The following SAAL1 variants were observed in gnomAD, a reference collection of about 807,000 sequenced individuals.
SAAL1 encodes serum amyloid A like 1, also known as protein SAAL1.
In SAAL1, 42 loss-of-function variants were observed where a neutral mutation model predicts 59.8. The observed-to-expected ratio is 0.70, with a 90% CI of 0.55 to 0.91. The LOEUF is 0.91. Among genes scored for constraint, SAAL1 ranks in the 40% least tolerant of loss-of-function variants. SAAL1 has a pLI of 0.00. For missense variants in SAAL1, 542 were observed against 561.1 expected, an observed-to-expected ratio of 0.97 and a Z score of 0.34; for synonymous variants, 191 against 194.3, an observed-to-expected ratio of 0.98 and a Z score of 0.14.
At chr11:18,080,613 A>G in intron 11 of SAAL1, 122 bp from the exon 12 acceptor site, 1 of 596,446 alleles carries the variant, frequency 1.7e-6, no homozygotes. Flanking sequence ...GCAGATCTCC[A>G]GATGATAGTA....
rs781563248 is a variant in SAAL1, at chr11:18,096,770, C to T, written c.333+1G>A. 2 of 1,441,692 alleles carry T rather than the reference C, an allele frequency of 1.4e-6. No individual in the cohort carries two copies. 89.3% of individuals were successfully genotyped at this position (1,441,692 alleles called of 1,614,324 possible). A position where few individuals can be genotyped will look rare whatever the true frequency, so the allele number is the denominator to read the frequency against. ...AAGGCTTTAGAAATGTACATACTTA[C>T]TCTTAATCGAGGACACTTGGACTTG... On this transcript the variant is annotated splice_donor_variant, in intron 3 of 11. Transcript: ENST00000524803. LOFTEE classifies it high-confidence loss of function.
intron 1 of SAAL1, 99 bp downstream of exon 1, chr11:18,105,808 T>C: frequency 7.2e-7 from 1 of 1,397,894 alleles, no homozygotes; most frequent in Non-Finnish European, 9.4e-7. Context: ...GGGGTCTTTG[T>C]GGGGATGGCG....
At chr11:18,087,651 G>C (rs1026777606) in intron 7 of SAAL1, among the ~76,000 whole-genome samples, 3 of 152,172 alleles carry the variant, frequency 2.0e-5, no homozygotes, top group Non-Finnish European at 4.4e-5. Flanking sequence ...GATTAACCTA[G>C]CTCCCTAGCT....
At chr11:18,105,100 T>G (rs1848673943) in intron 1 of SAAL1, among the ~76,000 whole-genome samples, 1 of 152,024 alleles carries the variant, frequency 6.6e-6, no homozygotes, top group Non-Finnish European at 1.5e-5. Flanking sequence ...ATAATCCCAT[T>G]TTATAGAAAT....
intron 2 of SAAL1, among the ~76,000 whole-genome samples, chr11:18,099,392 A>G (rs967824062): frequency 1.3e-5 from 2 of 152,250 alleles, no homozygotes; most frequent in Non-Finnish European, 2.9e-5. Context: ...CTGGGGATAC[A>G]TCAGTGAACA....
Position 18,105,979 on chromosome 11 carries a change from G to T in SAAL1, c.63C>A (p.Ala21=), listed in dbSNP as rs757078221. 1 of 1,608,718 alleles carries T rather than the reference G, an allele frequency of 6.2e-7. No homozygotes were observed. The highest frequency in any genetic ancestry group is 1.7e-5 in the Admixed American group (1 of 59,632). The change falls in exon 1 of 12, where the codon GCC becomes GCA. Residue 21 remains alanine (A), a synonymous_variant. Transcript: ENST00000524803. ...GRDKEEEEEV[A]GGDCIGSTVY... ...CCGTGCTCCCTATGCAGTCTCCACC[G>T]GCCACCTCCTCCTCCTCCTCCTTGT... is the stretch of plus-strand genomic sequence containing the variant.
In SAAL1 at chr11:18,081,832, C is replaced by T. The variant is rs1241925487; in HGVS notation, c.1240-329G>A. 3 of 221,226 alleles carry T rather than the reference C, an allele frequency of 1.4e-5. No individual in the cohort carries two copies. The Admixed American group carries it at 1.7e-4, about 12-fold the overall frequency. 13.7% of individuals were successfully genotyped at this position (221,226 alleles called of 1,614,324 possible). A position where few individuals can be genotyped will look rare whatever the true frequency, so the allele number is the denominator to read the frequency against. ...CAAATCTCTCTTACCCCCATCCCTCCTCTCCATTCAAACTTCCATTGTTTA... is the reference window on the plus strand; with the variant it reads ...CAAATCTCTCTTACCCCCATCCCTCTTCTCCATTCAAACTTCCATTGTTTA... On this transcript the variant is annotated intron_variant, in intron 10 of 11. Transcript: ENST00000524803.
intron 3 of SAAL1, 93 bp downstream of exon 3, chr11:18,096,677 GT>G: frequency 1.4e-6 from 1 of 734,892 alleles, no homozygotes; most frequent in Non-Finnish European, 2.4e-6. Context: ...TTTATGGTCA[GT>G]AAGAAAATCA....
rs1226889164 is a variant in SAAL1 at position 18,086,924 on chromosome 11, T to C, written c.984A>G (p.Ser328=). The stretch of plus-strand genomic sequence containing the variant: ...GTGAGGCATAGATGGCAGACAACAC[T>C]GAAAAAACAGAGGCTAGCACTGTTT... ...EQKTVLASVF[S]VLSAIYASQT... The change falls in exon 9 of 12, where the codon TCA becomes TCG. Residue 328 remains serine, a synonymous_variant. Transcript: ENST00000524803. The C allele has an allele frequency of 1.2e-6, 2 of 1,614,054 alleles. No homozygotes were observed. Among genetic ancestry groups the C allele is most frequent in the South Asian group, 2.2e-5 (2 of 91,080 alleles).
chr11:18,080,451 G>A lies in SAAL1; in HGVS notation c.1373C>T (p.Ala458Val), dbSNP rs780415087. 2.7e-5 allele frequency: 43 copies of A among 1,590,298 alleles called. No individual in the cohort carries two copies. Among genetic ancestry groups the A allele is most frequent in the Middle Eastern group, 1.7e-4 (1 of 5,998 alleles). Residue 458 changes from alanine (A) to valine (V), a missense_variant, in exon 12 of 12, where the codon GCG becomes GTG. Transcript: ENST00000524803. ...GTTTTTTTCCAAGTCATCAGCAAGC[G>A]CCTTATCAACTTCACGTAGGATTTT... ...FIKILREVDK[A>V]LADDLEKNFP...
At chr11:18,088,186 T>A (rs141794949) in intron 7 of SAAL1, among the ~76,000 whole-genome samples, 24 of 152,354 alleles carry the variant, frequency 1.6e-4, no homozygotes, top group Non-Finnish European at 2.6e-4. Flanking sequence ...AGGATAGCGC[T>A]ACTGGGTCCA....
At chr11:18,092,352 A>G (rs1358432438) in intron 3 of SAAL1, 28 bp from the exon 4 acceptor site, 2 of 1,385,752 alleles carry the variant, frequency 1.4e-6, no homozygotes, top group Admixed American at 3.5e-5. Flanking sequence ...ACAAGTCACA[A>G]TGGCTCTGAG....
intron 3 of SAAL1, among the ~76,000 whole-genome samples, chr11:18,096,202 G>A (rs1848574102): frequency 6.6e-6 from 1 of 152,158 alleles, no homozygotes; most frequent in African/African-American, 2.4e-5. Context: ...GCTGGTAAAT[G>A]AAAGTGCTAA....
intron 1 of SAAL1, among the ~76,000 whole-genome samples, chr11:18,104,047 C>T (rs182927037): frequency 6.6e-6 from 1 of 152,200 alleles, no homozygotes; most frequent in Non-Finnish European, 1.5e-5. Flanking sequence ...TTATAGCTCA[C>T]ATTTATCTCA....
chr11:18,101,316 T>C (rs938067056), intron 2 of SAAL1, among the ~76,000 whole-genome samples: 2 of 152,226 alleles, frequency 1.3e-5, no homozygotes, highest in African/African-American at 4.8e-5. Context: ...AATCTGACCT[T>C]GAATTGCAAT....
At chr11:18,096,745 A>G (rs1445551544) in intron 3 of SAAL1, 26 bp downstream of exon 3, 2 of 1,162,656 alleles carry the variant, frequency 1.7e-6, no homozygotes, top group Admixed American at 1.7e-5. Context: ...TTCAAAGAAG[A>G]AGGCTTTAGA....
Position 18,090,351 on chromosome 11 carries a change from A to T in SAAL1, c.474-61T>A, listed in dbSNP as rs1848510589. ...AAAAAAAAAAAAAAAACAGTAAAGG[A>T]AATTCGAAAATAAAAAATTAACTTT... On this transcript the variant is annotated intron_variant, in intron 5 of 11. Coordinates refer to ENST00000524803, the MANE Select transcript of SAAL1 (RefSeq NM_138421.3). The T allele has an allele frequency of 7.7e-6, 12 of 1,564,420 alleles. No homozygotes were observed. The South Asian group carries it at 1.2e-4, about 16-fold the overall frequency.
chr11:18,081,449 A>G lies in SAAL1; in HGVS notation c.1294T>C (p.Ser432Pro), dbSNP rs2134052890. The G allele has an allele frequency of 6.2e-7, 1 of 1,614,118 alleles. No homozygotes were observed. Among genetic ancestry groups the G allele is most frequent in the Non-Finnish European group, 8.5e-7 (1 of 1,179,962 alleles). The change falls in exon 11 of 12, where the codon TCT becomes CCT. Residue 432 changes from serine to proline, a missense_variant. Coordinates refer to ENST00000524803, the MANE Select transcript of SAAL1 (RefSeq NM_138421.3). Reference sequence around the variant, plus strand: ...AAAGGAAGAAGGTTTTGAAATGCAGAGGAACACTTCTGTTTGCTCAACTGG... The same window carrying G: ...AAAGGAAGAAGGTTTTGAAATGCAGGGGAACACTTCTGTTTGCTCAACTGG... ...EGQLSKQKCS[S>P]AFQNLLPFYS...
intron 2 of SAAL1, among the ~76,000 whole-genome samples, chr11:18,098,929 G>C (rs984986948): frequency 6.6e-6 from 1 of 152,184 alleles, no homozygotes; most frequent in Non-Finnish European, 1.5e-5. Flanking sequence ...GAAGTGGCTT[G>C]CATGCTATCT....
Sources: allele counts gnomAD v4.1 joint callset (sites outside exome capture counted in the v4.1 genomes callset), GRCh38; gene constraint gnomAD v4.1.1; transcripts MANE v1.5; gene names NCBI Gene and HGNC (gene_info 2026-07-23, HGNC 2026-07-21).